CRACD: variants seen among roughly 807,000 people sequenced by gnomAD.
CRACD encodes the protein capping protein-inhibiting regulator of actin dynamics.
CRACD carries 56 observed loss-of-function variants against 106.8 expected under a neutral mutation model. That is an observed-to-expected ratio of 0.52 (90% CI 0.42 to 0.66). The LOEUF is 0.66. Among genes scored for constraint, CRACD ranks in the 30% least tolerant of loss-of-function variants. The pLI, the probability that CRACD is intolerant of heterozygous loss-of-function variation, is 0.00. For missense variants in CRACD, 1,730 were observed against 1,623.2 expected (o/e 1.07, Z -1.13); for synonymous variants, 754 against 670.8 (o/e 1.12, Z -1.92).
Position 56,090,153 on chromosome 4 carries a change from A to T in CRACD, c.-336+40854A>T, listed in dbSNP as rs375469212. On this transcript the variant is annotated intron_variant, in intron 1 of 10. Transcript: ENST00000682029. ...GGTAAACTTTATTTTCCTTTTTTTTAAAAAAAAAAAAAAACTGGCAGGATC... is the reference window on the plus strand; with the variant it reads ...GGTAAACTTTATTTTCCTTTTTTTTTAAAAAAAAAAAAAACTGGCAGGATC... Among the ~76,000 whole-genome samples, 577 of 105,764 alleles carry T rather than the reference A, an allele frequency of 5.5e-3. 5 individuals are homozygous for T. Among genetic ancestry groups the T allele is most frequent in the South Asian group, 0.012 (37 of 3,160 alleles). The allele number at this position is 105,764 out of a possible 152,430, so 69.4% of individuals were successfully genotyped here.
At chr4:56,075,780 A>G (rs1193128184) in intron 1 of CRACD, among the ~76,000 whole-genome samples, 1 of 152,178 alleles carries the variant, frequency 6.6e-6, no homozygotes, top group Non-Finnish European at 1.5e-5. Flanking sequence ...CGTGTTTTCA[A>G]GGGTCACCTA....
chr4:56,259,839 C>T (rs1334308691), intron 2 of CRACD, among the ~76,000 whole-genome samples: 2 of 152,134 alleles, frequency 1.3e-5, no homozygotes, highest in African/African-American at 4.8e-5. Flanking sequence ...TGCTGCTGTA[C>T]AATGGAAGTG....
At chr4:56,163,206 G>GA (rs544280669) in intron 1 of CRACD, among the ~76,000 whole-genome samples, 214 of 151,830 alleles carry the variant, frequency 1.4e-3, no homozygotes, top group African/African-American at 5.0e-3. Flanking sequence ...TCCAAGGAGA[G>GA]AAAAAGATAG....
intron 1 of CRACD, among the ~76,000 whole-genome samples, chr4:56,151,443 A>G (rs1735575656): frequency 6.6e-6 from 1 of 152,134 alleles, no homozygotes; most frequent in Admixed American, 6.5e-5. Context: ...TGCAAATACA[A>G]TACAAATAAT....
At chr4:56,310,576 G>A (rs1299717537) in intron 5 of CRACD, 90 bp from the exon 6 acceptor site, 2 of 898,804 alleles carry the variant, frequency 2.2e-6, no homozygotes, top group Non-Finnish European at 3.7e-6. Flanking sequence ...AGAGGAGGGG[G>A]TGACCCTACC....
Position 56,328,096 on chromosome 4 carries a change from C to A in CRACD, c.*292C>A. ...AAGAACTCGTGAGAGCCTGCCATGC[C>A]CATTTCATGGCCTTGCACACACACC... On this transcript the variant is annotated 3_prime_UTR_variant, in exon 11 of 11. Transcript: ENST00000682029. 2.7e-6 allele frequency: 1 copy of A among 369,332 alleles called. No individual in the cohort carries two copies. The highest frequency in any genetic ancestry group is 5.1e-6 in the Non-Finnish European group (1 of 196,282). The allele number at this position is 369,332 out of a possible 1,614,324, so 22.9% of individuals were successfully genotyped here.
chr4:56,147,738 A>G lies in CRACD; in HGVS notation c.-335-31546A>G, dbSNP rs372048416. ...CAGACTGTTTTCCAAAGTTTGTTGC[A>G]CCATTTTACAGTCCCACCAGCAATA... On this transcript the variant is annotated intron_variant, in intron 1 of 10. Transcript: ENST00000682029. 3.9e-5 allele frequency among the ~76,000 whole-genome samples: 6 copies of G among 152,136 alleles called. No individual in the cohort carries two copies. The South Asian group carries it at 1.0e-3, about 26-fold the overall frequency.
intron 1 of CRACD, among the ~76,000 whole-genome samples, chr4:56,176,677 C>T (rs1392304715): frequency 6.6e-6 from 1 of 152,000 alleles, no homozygotes; most frequent in Non-Finnish European, 1.5e-5. Flanking sequence ...CCTTGTGATC[C>T]ACCTGCCTTG....
intron 1 of CRACD, among the ~76,000 whole-genome samples, chr4:56,062,895 T>C (rs932991643): frequency 6.6e-6 from 1 of 152,332 alleles, no homozygotes; most frequent in Admixed American, 6.5e-5. Context: ...TCCTGGGTCT[T>C]TGGTTCAGCC....
intron 3 of CRACD, among the ~76,000 whole-genome samples, chr4:56,278,794 A>AC (rs1025291674): frequency 6.8e-4 from 104 of 151,924 alleles, no homozygotes; most frequent in African/African-American, 2.2e-3. Flanking sequence ...TAATAAAATG[A>AC]CCCCCTCCCC....
chr4:56,198,457 C>T (rs1390370964), intron 2 of CRACD, among the ~76,000 whole-genome samples: 7 of 151,992 alleles, frequency 4.6e-5, no homozygotes, highest in African/African-American at 1.7e-4. Context: ...TGGAGTAGGG[C>T]GGAGGCTAGT....
At position 56,271,696 on chromosome 4, in the gene CRACD, G is replaced by T. The variant is rs139103834; in HGVS notation, c.-188-625G>T. Among the ~76,000 whole-genome samples the T allele has an allele frequency of 1.3e-4, 20 of 152,254 alleles. No homozygotes were observed. The East Asian group carries it at 3.3e-3, about 25-fold the overall frequency. On this transcript the variant is annotated intron_variant, in intron 2 of 10. Transcript: ENST00000682029. ...CTTATTGCATGTGCAAAGAGGTGCT[G>T]TGCTGGCCACCATGAAGCTTGAAAT...
chr4:56,271,089 G>C (rs534554847), intron 2 of CRACD, among the ~76,000 whole-genome samples: 1 of 142,996 alleles, frequency 7.0e-6, no homozygotes, highest in Non-Finnish European at 1.5e-5. Flanking sequence ...TGGGCGATAA[G>C]AGTGAAACTC....
chr4:56,283,303 A>G (rs1257917335), intron 3 of CRACD, among the ~76,000 whole-genome samples: 1 of 152,188 alleles, frequency 6.6e-6, no homozygotes, highest in East Asian at 1.9e-4. Flanking sequence ...AGACTAGAAG[A>G]GAGAATCCAG....
chr4:56,171,955 A>C (rs901035858), intron 1 of CRACD, among the ~76,000 whole-genome samples: 21 of 150,856 alleles, frequency 1.4e-4, no homozygotes, highest in African/African-American at 4.6e-4. Flanking sequence ...TGGGGAAGGC[A>C]GGAGATGGAG....
At chr4:56,301,455 AT>A (rs1251507766) in intron 4 of CRACD, among the ~76,000 whole-genome samples, 1 of 152,280 alleles carries the variant, frequency 6.6e-6, no homozygotes, top group African/African-American at 2.4e-5. Flanking sequence ...GTGTATGTTT[AT>A]TTTTAAAAAG....
intron 2 of CRACD, among the ~76,000 whole-genome samples, chr4:56,220,411 A>G (rs1056280762): frequency 4.6e-5 from 7 of 152,164 alleles, no homozygotes; most frequent in Non-Finnish European, 8.8e-5. Flanking sequence ...TGGGATTTTC[A>G]TTGGTGTATG....
intron 2 of CRACD, among the ~76,000 whole-genome samples, chr4:56,194,700 C>A (rs1737527166): frequency 6.6e-6 from 1 of 152,178 alleles, no homozygotes; most frequent in South Asian, 2.1e-4. Context: ...AGAAATTGGA[C>A]CCTCACCAGA....
At chr4:56,082,653 C>T (rs769364384) in intron 1 of CRACD, among the ~76,000 whole-genome samples, 1 of 151,966 alleles carries the variant, frequency 6.6e-6, no homozygotes, top group African/African-American at 2.4e-5. Flanking sequence ...GCTCAAGCAG[C>T]TGGGTAAATG....
Sources: gnomAD v4.1 joint callset for allele counts (sites outside exome capture counted in the v4.1 genomes callset) on GRCh38, gnomAD v4.1.1 for gene constraint, MANE v1.5 for transcripts, NCBI Gene and HGNC (gene_info 2026-07-23, HGNC 2026-07-21) for gene names.